Variants in KCNQ1OT1 observed in about 807,000 individuals in gnomAD.
KCNQ1OT1 encodes the protein KCNQ1 antisense RNA 2 (non-protein coding).
rs1564847374 is a variant in KCNQ1OT1, at chr11:2,657,340, G to A, written n.42655C>T. 2.5e-6 allele frequency: 1 copy of A among 398,420 alleles called. No homozygotes were observed. The highest frequency in any genetic ancestry group is 3.6e-5 in the East Asian group (1 of 28,088). 24.7% of individuals were successfully genotyped at this position (398,420 alleles called of 1,614,324 possible). ...TCAGTATTGAGTCTTCTAGTCATTG[G>A]AATGAAGGCATATTTCTCCATTTAT... On this transcript the variant is annotated non_coding_transcript_exon_variant, in exon 1 of 1. Coordinates refer to ENST00000597346, the Ensembl canonical transcript of KCNQ1OT1. This position sits in a 1 kb window ranked among gnomAD's most constrained non-coding sequence, Gnocchi z 4.8.
In KCNQ1OT1 at chr11:2,678,872, G is replaced by T; in HGVS notation, n.21123C>A. The T allele has an allele frequency of 2.5e-6, 1 of 398,580 alleles. No individual in the cohort carries two copies. Among genetic ancestry groups the T allele is most frequent in the South Asian group, 1.3e-4 (1 of 7,852 alleles). 24.7% of individuals were successfully genotyped at this position (398,580 alleles called of 1,614,324 possible). On this transcript the variant is annotated non_coding_transcript_exon_variant, in exon 1 of 1. Transcript: ENST00000597346. This position sits in a 1 kb window ranked among gnomAD's most constrained non-coding sequence, Gnocchi z 4.9. ...GGTCGGGGGTGCACAGGAGTTGCCA[G>T]CTGGACCCAAGGACCATTTCGTATA...
chr11:2,624,931 A>C lies in KCNQ1OT1; in HGVS notation n.75064T>G. ...TGTGTCAAAATTTCTATTTTTTTTAAAGCTGAATAATATTACATTGTATGT... is the reference window on the plus strand; with the variant it reads ...TGTGTCAAAATTTCTATTTTTTTTACAGCTGAATAATATTACATTGTATGT... On this transcript the variant is annotated non_coding_transcript_exon_variant, in exon 1 of 1. Coordinates refer to ENST00000597346, the Ensembl canonical transcript of KCNQ1OT1. This position sits in a 1 kb window ranked among gnomAD's most constrained non-coding sequence, Gnocchi z 4.9. The C allele has an allele frequency of 2.5e-6, 1 of 398,494 alleles. No individual in the cohort carries two copies. Among genetic ancestry groups the C allele is most frequent in the Non-Finnish European group, 4.4e-6 (1 of 226,050 alleles). The allele number at this position is 398,494 out of a possible 1,614,324, so 24.7% of individuals were successfully genotyped here.
chr11:2,660,453 A>G (rs373186403), exon 1 of KCNQ1OT1: 27 of 398,662 alleles, frequency 6.8e-5, no homozygotes, highest in Middle Eastern at 6.3e-4. Context: ...TAAAAGCAAC[A>G]TAATTCAGGT....
Position 2,678,105 on chromosome 11 carries a change from T to C in KCNQ1OT1, n.21890A>G. ...CTTACTGATTTGTAGAAACTTGCTTTGTCATATTCATTGAAAATATTTTAT... is the reference window on the plus strand; with the variant it reads ...CTTACTGATTTGTAGAAACTTGCTTCGTCATATTCATTGAAAATATTTTAT... On this transcript the variant is annotated non_coding_transcript_exon_variant, in exon 1 of 1. Transcript: ENST00000597346. This position sits in a 1 kb window ranked among gnomAD's most constrained non-coding sequence, Gnocchi z 4.9. 1 of 398,448 alleles carries C rather than the reference T, an allele frequency of 2.5e-6. No individual in the cohort carries two copies. Among genetic ancestry groups the C allele is most frequent in the East Asian group, 3.6e-5 (1 of 28,012 alleles). 24.7% of individuals were successfully genotyped at this position (398,448 alleles called of 1,614,324 possible).
At position 2,661,594 on chromosome 11, in the gene KCNQ1OT1, T is replaced by C; in HGVS notation, n.38401A>G. ...TATGGTGGTGGGAGCTGTTGTCCCT[T>C]ACCAGGCCTGTGCCTGTCACCTCTG... On this transcript the variant is annotated non_coding_transcript_exon_variant, in exon 1 of 1. Transcript: ENST00000597346. This position sits in a 1 kb window ranked among gnomAD's most constrained non-coding sequence, Gnocchi z 5.9. 1 of 572,188 alleles carries C rather than the reference T, an allele frequency of 1.7e-6. No individual in the cohort carries two copies. Among genetic ancestry groups the C allele is most frequent in the South Asian group, 2.4e-5 (1 of 42,022 alleles). The allele number at this position is 572,188 out of a possible 1,614,324, so 35.4% of individuals were successfully genotyped here.
At chr11:2,646,845 T>C in exon 1 of KCNQ1OT1, 1 of 398,676 alleles carries the variant, frequency 2.5e-6, no homozygotes, top group Non-Finnish European at 4.4e-6. Context: ...GATTTTTTTA[T>C]CCTGCAACTT....
Position 2,652,361 on chromosome 11 carries a change from G to A in KCNQ1OT1, n.47634C>T, listed in dbSNP as rs974191764. 5 of 398,536 alleles carry A rather than the reference G, an allele frequency of 1.3e-5. No individual in the cohort carries two copies. Among genetic ancestry groups the A allele is most frequent in the Non-Finnish European group, 2.2e-5 (5 of 226,082 alleles). 24.7% of individuals were successfully genotyped at this position (398,536 alleles called of 1,614,324 possible). The stretch of plus-strand genomic sequence containing the variant: ...CACATTTCCGCGATGTTGTGATGAA[G>A]GTGAAAAGATCGCTCTTAATTAGAT... On this transcript the variant is annotated non_coding_transcript_exon_variant, in exon 1 of 1. Transcript: ENST00000597346. The surrounding 1 kb of genome is among the most constrained non-coding windows in gnomAD (Gnocchi z 5.9).
chr11:2,683,969 T>TG lies in KCNQ1OT1; in HGVS notation n.16025_16026insC. The TG allele has an allele frequency of 2.5e-6, 1 of 398,568 alleles. No homozygotes were observed. 24.7% of individuals were successfully genotyped at this position (398,568 alleles called of 1,614,324 possible). On this transcript the variant is annotated non_coding_transcript_exon_variant, in exon 1 of 1. Transcript: ENST00000597346. This position sits in a 1 kb window ranked among gnomAD's most constrained non-coding sequence, Gnocchi z 4.7. ...CAGCTGACTGCTTTTACTTTTTTTT[T>TG]TTTTTCATTTAGAAGAATTTCCTTG...
chr11:2,620,304 C>T lies in KCNQ1OT1; in HGVS notation n.79691G>A, dbSNP rs1383713699. 2 of 207,662 alleles carry T rather than the reference C, an allele frequency of 9.6e-6. No individual in the cohort carries two copies. The highest frequency in any genetic ancestry group is 1.9e-5 in the Non-Finnish European group (2 of 107,178). The allele number at this position is 207,662 out of a possible 1,614,324, so 12.9% of individuals were successfully genotyped here. On this transcript the variant is annotated non_coding_transcript_exon_variant, in exon 1 of 1. Coordinates refer to ENST00000597346, the Ensembl canonical transcript of KCNQ1OT1. The surrounding 1 kb of genome is among the most constrained non-coding windows in gnomAD (Gnocchi z 4.5). ...TGATCTCGGCTCACTGCAGCCTCCGCCTACCGGGTTCAAGTGATTCTCCTG... is the reference window on the plus strand; with the variant it reads ...TGATCTCGGCTCACTGCAGCCTCCGTCTACCGGGTTCAAGTGATTCTCCTG...
chr11:2,640,486 T>C (rs1849556053), exon 1 of KCNQ1OT1: 3 of 398,180 alleles, frequency 7.5e-6, no homozygotes, highest in South Asian at 2.6e-4. Flanking sequence ...GGGTCGTGCA[T>C]TGTTGCCCAG....
At position 2,630,249 on chromosome 11, in the gene KCNQ1OT1, C is replaced by T. The variant is rs527290725; in HGVS notation, n.69746G>A. The T allele has an allele frequency of 1.0e-5, 4 of 398,118 alleles. No individual in the cohort carries two copies. The South Asian group carries it at 5.1e-4, about 51-fold the overall frequency. The allele number at this position is 398,118 out of a possible 1,614,324, so 24.7% of individuals were successfully genotyped here. ...ATGTACACTTAACTGTCCTTATGTA[C>T]TAAGGATAAATCCCATGTTTGTGAT... On this transcript the variant is annotated non_coding_transcript_exon_variant, in exon 1 of 1. Transcript: ENST00000597346.
At chr11:2,633,176 T>C (rs1379512304) in exon 1 of KCNQ1OT1, 3 of 398,428 alleles carry the variant, frequency 7.5e-6, no homozygotes, top group Non-Finnish European at 1.3e-5. Flanking sequence ...ATGTTGAGCA[T>C]TTTTTCACAT....
chr11:2,629,469 C>T lies in KCNQ1OT1; in HGVS notation n.70526G>A, dbSNP rs148316434. ...AAGAGTTTTATAGTTTTAGGTCTTA[C>T]ATTTAGGTCTGTGGTCCACTTTGAG... On this transcript the variant is annotated non_coding_transcript_exon_variant, in exon 1 of 1. Coordinates refer to ENST00000597346, the Ensembl canonical transcript of KCNQ1OT1. The T allele has an allele frequency of 1.6e-3, 618 of 398,406 alleles. 3 individuals are homozygous for T. Among genetic ancestry groups the T allele is most frequent in the African/African-American group, 0.01 (506 of 48,714 alleles). The allele number at this position is 398,406 out of a possible 1,614,324, so 24.7% of individuals were successfully genotyped here.
rs1850016652 is a variant in KCNQ1OT1, at chr11:2,663,974, C to T, written n.36021G>A. The T allele has an allele frequency of 1.0e-5, 4 of 398,596 alleles. No homozygotes were observed. The Admixed American group carries it at 1.3e-4, about 13-fold the overall frequency. 24.7% of individuals were successfully genotyped at this position (398,596 alleles called of 1,614,324 possible). ...GGGCCTGAGAGACCTGAACATCCAT[C>T]CCCAAGCTCTCTGCCCACTTTGGGT... On this transcript the variant is annotated non_coding_transcript_exon_variant, in exon 1 of 1. Coordinates refer to ENST00000597346, the Ensembl canonical transcript of KCNQ1OT1. This position sits in a 1 kb window ranked among gnomAD's most constrained non-coding sequence, Gnocchi z 5.2.
Position 2,614,597 on chromosome 11 carries a change from G to A in KCNQ1OT1, n.85398C>T, listed in dbSNP as rs138458699. 566 of 398,390 alleles carry A rather than the reference G, an allele frequency of 1.4e-3. 1 individual carries two copies. Among genetic ancestry groups the A allele is most frequent in the African/African-American group, 0.01 (498 of 48,712 alleles). The allele number at this position is 398,390 out of a possible 1,614,324, so 24.7% of individuals were successfully genotyped here. A position where few individuals can be genotyped will look rare whatever the true frequency, so the allele number is the denominator to read the frequency against. ...GGTCCAACTTCATTCTTTGATATAT[G>A]AGGATCCAGTTGCCCCAGCACCATT... On this transcript the variant is annotated non_coding_transcript_exon_variant, in exon 1 of 1. Transcript: ENST00000597346.
At chr11:2,641,325 T>C (rs992502314) in exon 1 of KCNQ1OT1, 2 of 398,358 alleles carry the variant, frequency 5.0e-6, no homozygotes, top group African/African-American at 4.1e-5. Context: ...GGTTAATTTT[T>C]GTCTTTTTAA....
exon 1 of KCNQ1OT1, chr11:2,615,234 T>C (rs1328077859): frequency 1.0e-5 from 4 of 398,036 alleles, no homozygotes; most frequent in Non-Finnish European, 1.8e-5. Context: ...ATGATTTTCT[T>C]AAAATAAATG....
rs138366070 is a variant in KCNQ1OT1 at position 2,666,802 on chromosome 11, T to C, written n.33193A>G. 751 of 398,674 alleles carry C rather than the reference T, an allele frequency of 1.9e-3. 5 individuals carry two copies. The highest frequency in any genetic ancestry group is 0.014 in the African/African-American group (692 of 48,728). The allele number at this position is 398,674 out of a possible 1,614,324, so 24.7% of individuals were successfully genotyped here. A position where few individuals can be genotyped will look rare whatever the true frequency, so the allele number is the denominator to read the frequency against. On this transcript the variant is annotated non_coding_transcript_exon_variant, in exon 1 of 1. Transcript: ENST00000597346. ...ACCATATTTCTCTCCCTGTAAACTT[T>C]GGTGGGAAAGGACAGAAAGGACATT...
chr11:2,622,991 CAA>C (rs1194557778), exon 1 of KCNQ1OT1: 1 of 398,476 alleles, frequency 2.5e-6, no homozygotes, highest in Non-Finnish European at 4.4e-6. Flanking sequence ...TGTTCCCACC[CAA>C]ATCTCATCTT....
Sources: allele counts gnomAD v4.1 joint callset, GRCh38; gene constraint gnomAD v4.1.1; non-coding constraint Gnocchi (gnomAD v3.1); transcripts MANE v1.5; gene names NCBI Gene and HGNC (gene_info 2026-07-23, HGNC 2026-07-21).